ITGA8: variants seen among roughly 807,000 people sequenced by gnomAD.
ITGA8 encodes integrin alpha-8.
A neutral mutation model predicts 142.3 loss-of-function variants in ITGA8; 91 were observed. The ratio of observed to expected loss-of-function variants is 0.64; its 90% CI spans 0.54 to 0.76. The LOEUF is 0.76. Among genes scored for constraint, ITGA8 ranks in the 30% least tolerant of loss-of-function variants. The probability of loss-of-function intolerance (pLI) is 0.00; values close to 1 mark genes in which losing one functional copy is unlikely to be tolerated. For missense variants in ITGA8, 1,406 were observed against 1,327.7 expected, an observed-to-expected ratio of 1.06 and a Z score of -0.92; for synonymous variants, 505 against 485.2, an observed-to-expected ratio of 1.04 and a Z score of -0.54.
intron 27 of ITGA8, among the ~76,000 whole-genome samples, chr10:15,539,869 G>A (rs76237297): frequency 6.6e-6 from 1 of 152,108 alleles, no homozygotes; most frequent in East Asian, 1.9e-4. Flanking sequence ...CAGTGTCAAG[G>A]GTGGGGCCGG....
chr10:15,516,819 A>G lies in ITGA8; in HGVS notation c.*339T>C, dbSNP rs2296511. ...AATTCTATAGTGATTCAGACATTTCATCTCTGCAACTTATGCTGGATTGAT... is the reference window on the plus strand; with the variant it reads ...AATTCTATAGTGATTCAGACATTTCGTCTCTGCAACTTATGCTGGATTGAT... On this transcript the variant is annotated 3_prime_UTR_variant, in exon 30 of 30. Coordinates refer to ENST00000378076, the MANE Select transcript of ITGA8 (RefSeq NM_003638.3). 152,621 of 175,842 alleles carry G rather than the reference A, an allele frequency of 0.87. 69,330 individuals carry two copies. Among genetic ancestry groups the G allele is most frequent in the Non-Finnish European group, 1 (83,698 of 83,906 alleles). 10.9% of individuals were successfully genotyped at this position (175,842 alleles called of 1,614,324 possible). A position where few individuals can be genotyped will look rare whatever the true frequency, so the allele number is the denominator to read the frequency against.
intron 27 of ITGA8, among the ~76,000 whole-genome samples, chr10:15,542,933 A>G (rs1451663): frequency 0.91 from 138,773 of 152,214 alleles, 64,174 homozygotes; most frequent in Non-Finnish European, 0.99. Flanking sequence ...AAAGATTGGC[A>G]GGCTGTTCCT....
chr10:15,653,570 C>G (rs1564393556), intron 11 of ITGA8, among the ~76,000 whole-genome samples: 1 of 152,100 alleles, frequency 6.6e-6, no homozygotes, highest in Non-Finnish European at 1.5e-5. Context: ...TGGGTTTTAA[C>G]AAATATATAA....
At chr10:15,568,115 G>A (rs745839019) in intron 25 of ITGA8, among the ~76,000 whole-genome samples, 3 of 152,074 alleles carry the variant, frequency 2.0e-5, no homozygotes, top group Admixed American at 6.6e-5. Context: ...GTAGAAATGG[G>A]GTCTTGCTAT....
At chr10:15,573,874 T>C (rs1834234158) in intron 24 of ITGA8, among the ~76,000 whole-genome samples, 1 of 151,806 alleles carries the variant, frequency 6.6e-6, no homozygotes, top group African/African-American at 2.4e-5. Context: ...ATTGACTTTA[T>C]TTAAAAAAAA....
In ITGA8 at chr10:15,660,624, G is replaced by A. The variant is rs9333116; in HGVS notation, c.891+255C>T. Reference sequence around the variant, plus strand: ...ATCTTTTCCCAGACTAGCAATATGCGATATGATGCTCTTACTTGAGATATG... The same window carrying A: ...ATCTTTTCCCAGACTAGCAATATGCAATATGATGCTCTTACTTGAGATATG... On this transcript the variant is annotated intron_variant, in intron 9 of 29. Coordinates refer to ENST00000378076, the MANE Select transcript of ITGA8 (RefSeq NM_003638.3). 2.0e-3 allele frequency among the ~76,000 whole-genome samples: 298 copies of A among 152,236 alleles called. 2 individuals are homozygous for A. Among genetic ancestry groups the A allele is most frequent in the African/African-American group, 6.0e-3 (251 of 41,536 alleles).
chr10:15,585,624 T>C (rs928751853), intron 23 of ITGA8, among the ~76,000 whole-genome samples: 1 of 152,216 alleles, frequency 6.6e-6, no homozygotes, highest in Non-Finnish European at 1.5e-5. Flanking sequence ...AAATCCATGA[T>C]TGTTCTGAAA....
chr10:15,552,201 A>G (rs1833803141), intron 26 of ITGA8, among the ~76,000 whole-genome samples: 1 of 151,562 alleles, frequency 6.6e-6, no homozygotes, highest in South Asian at 2.1e-4. Context: ...CAGTGGTGCC[A>G]TCTCAGCGCA....
intron 8 of ITGA8, among the ~76,000 whole-genome samples, chr10:15,670,236 G>A (rs138091226): frequency 6.6e-6 from 1 of 152,214 alleles, no homozygotes; most frequent in South Asian, 2.1e-4. Context: ...ACTGATTGAT[G>A]ATTGACTCAT....
In ITGA8 at chr10:15,655,441, C is replaced by T. The variant is rs191353387; in HGVS notation, c.949-35G>A. The T allele has an allele frequency of 3.4e-4, 504 of 1,468,766 alleles. 2 individuals carry two copies. In the African/African-American group the frequency reaches 6.0e-3, roughly 17 times the overall value. 91.0% of individuals were successfully genotyped at this position (1,468,766 alleles called of 1,614,324 possible). ...AAAATCAGGAGATGACATTTTGTGT[C>T]CAAAAAGTCATTTTTGTAGTCATGT... is the stretch of plus-strand genomic sequence containing the variant. On this transcript the variant is annotated intron_variant, in intron 10 of 29. Transcript: ENST00000378076.
At chr10:15,586,295 G>T (rs1274065155) in intron 23 of ITGA8, among the ~76,000 whole-genome samples, 1 of 152,050 alleles carries the variant, frequency 6.6e-6, no homozygotes, top group African/African-American at 2.4e-5. Flanking sequence ...CTGACCTCAG[G>T]TGATCTGCTC....
chr10:15,696,944 G>C (rs1835063986), intron 2 of ITGA8, among the ~76,000 whole-genome samples: 2 of 151,484 alleles, frequency 1.3e-5, no homozygotes, highest in Admixed American at 1.3e-4. Context: ...GAGAGGTAGA[G>C]TCTGAAGTAA....
chr10:15,645,092 CAAAA>C (rs1168510743), intron 12 of ITGA8, among the ~76,000 whole-genome samples: 34 of 46,800 alleles, frequency 7.3e-4, no homozygotes, highest in African/African-American at 2.5e-3. Flanking sequence ...GACTCTGTCT[CAAAA>C]AAAAAAAAAA....
At chr10:15,610,136 C>G (rs935927474) in intron 15 of ITGA8, among the ~76,000 whole-genome samples, 4 of 152,010 alleles carry the variant, frequency 2.6e-5, no homozygotes, top group African/African-American at 9.7e-5. Flanking sequence ...GTACTGAATT[C>G]TCAATAATAG....
chr10:15,669,471 CCTG>C (rs1463742669), intron 8 of ITGA8, among the ~76,000 whole-genome samples: 6 of 152,148 alleles, frequency 3.9e-5, no homozygotes, highest in African/African-American at 1.4e-4. Context: ...CGAATTTCCT[CCTG>C]TAGCTCAGAG....
intron 27 of ITGA8, among the ~76,000 whole-genome samples, chr10:15,533,365 T>C (rs1437917271): frequency 6.6e-6 from 1 of 152,210 alleles, no homozygotes; most frequent in Non-Finnish European, 1.5e-5. Flanking sequence ...TCTTCTCTCT[T>C]AGCATTTCCA....
chr10:15,662,012 T>C (rs911036643), intron 8 of ITGA8, among the ~76,000 whole-genome samples: 3 of 152,188 alleles, frequency 2.0e-5, no homozygotes, highest in Non-Finnish European at 4.4e-5. Flanking sequence ...TCTAGAGGAT[T>C]GGGCCATTTG....
At position 15,644,015 on chromosome 10, in the gene ITGA8, G is replaced by C. The variant is rs769178848; in HGVS notation, c.1399+15C>G. The C allele has an allele frequency of 2.5e-6, 4 of 1,603,326 alleles. No homozygotes were observed. In the South Asian group the frequency reaches 3.3e-5, roughly 13 times the overall value. The stretch of plus-strand genomic sequence containing the variant: ...GGACGTAGACTCTCACGTGGGAAAA[G>C]AAAGAAAACCTTACCTGGGTAATCA... On this transcript the variant is annotated intron_variant, in intron 13 of 29. Transcript: ENST00000378076.
intron 27 of ITGA8, among the ~76,000 whole-genome samples, chr10:15,539,154 C>T (rs1332083636): frequency 6.6e-6 from 1 of 152,040 alleles, no homozygotes; most frequent in Non-Finnish European, 1.5e-5. Context: ...GGAAGCTTGC[C>T]TCTCACTTCC....
Sources: gnomAD v4.1 joint callset for allele counts (sites outside exome capture counted in the v4.1 genomes callset) on GRCh38, gnomAD v4.1.1 for gene constraint, MANE v1.5 for transcripts, NCBI Gene and HGNC (gene_info 2026-07-23, HGNC 2026-07-21) for gene names.